Variants in PHF24 observed in about 807,000 individuals in gnomAD.
PHF24 encodes the protein Galpha inhibitory interacting protein.
A neutral mutation model predicts 42.6 loss-of-function variants in PHF24; 25 were observed. The ratio of observed to expected loss-of-function variants is 0.59; its 90% CI spans 0.43 to 0.82. The LOEUF (loss-of-function observed/expected upper bound fraction) is 0.82. PHF24 is among the 40% of genes least tolerant of loss of function. The probability of loss-of-function intolerance (pLI) is 0.00; values close to 1 mark genes in which losing one functional copy is unlikely to be tolerated. For missense variants in PHF24, 470 were observed against 538.1 expected (o/e 0.87, Z 1.25); for synonymous variants, 185 against 204.8 (o/e 0.90, Z 0.83).
the PHF24 span, chr9:34,892,849 A>G: frequency 1.4e-6 from 1 of 697,472 alleles, no homozygotes; most frequent in Non-Finnish European, 2.6e-6. Context: ...CTGACCGGGC[A>G]GCTGACTGGG....
chr9:34,849,294 G>T, the PHF24 span, among the ~76,000 whole-genome samples: 3 of 151,986 alleles, frequency 2.0e-5, no homozygotes, highest in African/African-American at 7.3e-5. Flanking sequence ...CCTGTATTGG[G>T]TGCCTATATA....
the PHF24 span, among the ~76,000 whole-genome samples, chr9:34,869,643 T>TAC: frequency 1.1e-4 from 16 of 151,716 alleles, no homozygotes; most frequent in African/African-American, 2.4e-4. Context: ...GTGTTTTGTA[T>TAC]ACACACACAC....
At chr9:34,922,117 C>G in the PHF24 span, 20 of 1,304,400 alleles carry the variant, frequency 1.5e-5, no homozygotes, top group Non-Finnish European at 2.1e-5. Context: ...ATTTGTGGGA[C>G]AGCATGGATG....
chr9:34,841,190 G>A, the PHF24 span, among the ~76,000 whole-genome samples: 3 of 151,900 alleles, frequency 2.0e-5, no homozygotes, highest in Non-Finnish European at 4.4e-5. Flanking sequence ...TAGTAGAGAC[G>A]GGATTTCACC....
exon 8 of PHF24, chr9:34,981,941 G>A (rs1827406651): frequency 6.6e-6 from 1 of 151,920 alleles, no homozygotes; most frequent in Admixed American, 6.6e-5. Context: ...GGTGGGACTG[G>A]GCATTTTCTC....
At chr9:34,701,524 T>C in the PHF24 span, among the ~76,000 whole-genome samples, 1 of 152,056 alleles carries the variant, frequency 6.6e-6, no homozygotes, top group African/African-American at 2.4e-5. This position sits in a 1 kb window ranked among gnomAD's most constrained non-coding sequence, Gnocchi z 5.8. Flanking sequence ...CGCATGCGGC[T>C]GTGACCCTGC....
the PHF24 span, among the ~76,000 whole-genome samples, chr9:34,847,483 G>A: frequency 6.6e-6 from 1 of 151,868 alleles, no homozygotes; most frequent in South Asian, 2.1e-4. Flanking sequence ...TTGCTTATCA[G>A]CTTAAGGAGA....
At chr9:34,669,088 C>T in the PHF24 span, among the ~76,000 whole-genome samples, 1 of 152,294 alleles carries the variant, frequency 6.6e-6, no homozygotes, top group East Asian at 1.9e-4. Context: ...CCAGACTGAA[C>T]CAGTGTACAC....
At chr9:34,815,118 A>C in the PHF24 span, among the ~76,000 whole-genome samples, 1 of 152,208 alleles carries the variant, frequency 6.6e-6, no homozygotes, top group Non-Finnish European at 1.5e-5. Flanking sequence ...GCATATCTTG[A>C]ATACTGGAGC....
intron 1 of PHF24, among the ~76,000 whole-genome samples, chr9:34,966,912 CA>C (rs1826791592): frequency 6.6e-6 from 1 of 152,012 alleles, no homozygotes; most frequent in African/African-American, 2.4e-5. Flanking sequence ...TCCAATCAAT[CA>C]TTTTTTTTTA....
chr9:34,829,785 G>T, the PHF24 span, among the ~76,000 whole-genome samples: 189 of 152,306 alleles, frequency 1.2e-3, no homozygotes, highest in African/African-American at 4.2e-3. Context: ...TAAAAATAGA[G>T]GAAAGGGGGC....
At chr9:34,964,251 T>C (rs2132868314) in intron 1 of PHF24, among the ~76,000 whole-genome samples, 1 of 152,148 alleles carries the variant, frequency 6.6e-6, no homozygotes, top group East Asian at 1.9e-4. Flanking sequence ...CTTGTGAGCC[T>C]TTTAAATAGC....
At chr9:34,729,948 G>C in the PHF24 span, among the ~76,000 whole-genome samples, 1 of 152,188 alleles carries the variant, frequency 6.6e-6, no homozygotes, top group Non-Finnish European at 1.5e-5. Context: ...TGGGTGATTG[G>C]TAACAGAGGT....
At chr9:34,747,240 C>T in the PHF24 span, among the ~76,000 whole-genome samples, 1 of 151,994 alleles carries the variant, frequency 6.6e-6, no homozygotes, top group African/African-American at 2.4e-5. Context: ...CACAGCAAGA[C>T]CCTGTCTCTA....
intron 7 of PHF24, 67 bp from the exon 8 acceptor site, chr9:34,977,948 C>T: frequency 8.1e-7 from 1 of 1,233,202 alleles, no homozygotes; most frequent in Non-Finnish European, 1.2e-6. Flanking sequence ...AGCCATGCTG[C>T]CCCTGGGATC....
the PHF24 span, among the ~76,000 whole-genome samples, chr9:34,853,557 G>A: frequency 2.0e-4 from 30 of 151,330 alleles, no homozygotes; most frequent in South Asian, 4.8e-3. Flanking sequence ...GGCCGGGCGC[G>A]GTGGCTCACG....
the PHF24 span, chr9:34,832,295 C>CTAGGGTG: frequency 1.7e-6 from 1 of 597,148 alleles, no homozygotes; most frequent in East Asian, 2.8e-5. Flanking sequence ...GGGTTAGGAG[C>CTAGGGTG]TAGGGTGGGT....
chr9:34,877,076 G>A, the PHF24 span, among the ~76,000 whole-genome samples: 14 of 152,094 alleles, frequency 9.2e-5, no homozygotes, highest in African/African-American at 1.4e-4. Flanking sequence ...GAGGTCAGGC[G>A]TTCGTGACCA....
chr9:34,745,022 G>A, the PHF24 span, among the ~76,000 whole-genome samples: 1 of 152,166 alleles, frequency 6.6e-6, no homozygotes, highest in Admixed American at 6.5e-5. Context: ...TTCCTAACTA[G>A]AAGGCTTGGG....
Sources: gnomAD v4.1 joint callset for allele counts (sites outside exome capture counted in the v4.1 genomes callset) on GRCh38, gnomAD v4.1.1 for gene constraint, Gnocchi (gnomAD v3.1) non-coding constraint, MANE v1.5 for transcripts, NCBI Gene and HGNC (gene_info 2026-07-23, HGNC 2026-07-21) for gene names.